The following TTC21B variants were observed in gnomAD, a reference collection of about 807,000 sequenced individuals.
TTC21B encodes the protein tetratricopeptide repeat protein 21B.
TTC21B carries 127 observed loss-of-function variants against 175.1 expected under a neutral mutation model. The observed-to-expected ratio is 0.73, with a 90% confidence interval of 0.63 to 0.84. The LOEUF is 0.84. Ranked by LOEUF, TTC21B falls within the 40% of genes least tolerant of loss-of-function variation. The pLI is 0.00. For missense variants in TTC21B, 1,561 were observed against 1,558.3 expected, an observed-to-expected ratio of 1.00 and a Z score of -0.03; for synonymous variants, 524 against 524.5, an observed-to-expected ratio of 1.00 and a Z score of 0.01.
chr2:165,918,754 A>G (rs1051555896), intron 13 of TTC21B, among the ~76,000 whole-genome samples: 7 of 152,132 alleles, frequency 4.6e-5, no homozygotes, highest in African/African-American at 1.7e-4. Flanking sequence ...CGTTGAGGGG[A>G]TACTGGATAT....
At chr2:165,879,801 C>T (rs971518986) in intron 27 of TTC21B, 1 of 152,036 alleles carries the variant, frequency 6.6e-6, no homozygotes, top group Admixed American at 6.6e-5. Flanking sequence ...CCCAACTGTT[C>T]CAAAGCACAG....
At chr2:165,878,226 T>C (rs1045127497) in intron 27 of TTC21B, among the ~76,000 whole-genome samples, 3 of 152,300 alleles carry the variant, frequency 2.0e-5, no homozygotes, top group African/African-American at 7.2e-5. Context: ...TGGAAGAAAC[T>C]TGATACATGA....
chr2:165,918,303 T>C (rs765276927), intron 13 of TTC21B, among the ~76,000 whole-genome samples: 2 of 150,140 alleles, frequency 1.3e-5, no homozygotes, highest in Non-Finnish European at 3.0e-5. Context: ...TTTTCTGCAA[T>C]TTTTTTTTTG....
At chr2:165,901,993 G>A in intron 19 of TTC21B, 83 bp from the exon 20 acceptor site, 1 of 1,207,274 alleles carries the variant, frequency 8.3e-7, no homozygotes, top group Non-Finnish European at 1.2e-6. Flanking sequence ...TAATTTTACA[G>A]ATTTATTTAA....
rs59380934 is a variant in TTC21B at position 165,947,562 on chromosome 2, C to CA, written c.262+1831dup. The stretch of plus-strand genomic sequence containing the variant: ...AAACAGAAATAAGAAAACAAACAAA[C>CA]AAAAAAAACAACCACCAGGCAGAAG... On this transcript the variant is annotated intron_variant, in intron 3 of 28. Coordinates refer to ENST00000243344, the MANE Select transcript of TTC21B (RefSeq NM_024753.5). The CA allele has an allele frequency of 8.3e-3, 1,259 of 151,190 alleles. 22 individuals are homozygous for CA. Among genetic ancestry groups the CA allele is most frequent in the African/African-American group, 0.029 (1,210 of 41,170 alleles). 9.4% of individuals were successfully genotyped at this position (151,190 alleles called of 1,614,324 possible). A position where few individuals can be genotyped will look rare whatever the true frequency, so the allele number is the denominator to read the frequency against.
chr2:165,920,814 A>ATATTTTGAAATATTTT (rs1559060477), intron 12 of TTC21B, among the ~76,000 whole-genome samples: 6 of 151,884 alleles, frequency 4.0e-5, no homozygotes, highest in Admixed American at 6.6e-5. Context: ...AATATTTAAA[A>ATATTTTGAAATATTTT]ATGAGAAGTG....
Position 165,908,196 on chromosome 2 carries a change from A to G in TTC21B, c.2462-412T>C, listed in dbSNP as rs925486866. On this transcript the variant is annotated intron_variant, in intron 18 of 28. Coordinates refer to ENST00000243344, the MANE Select transcript of TTC21B (RefSeq NM_024753.5). The stretch of plus-strand genomic sequence containing the variant: ...AGATATTTGATAAGCAATAAAGTAC[A>G]GTTGTTAAGAGCACTGACTTTGATG... 7.9e-5 allele frequency among the ~76,000 whole-genome samples: 12 copies of G among 152,318 alleles called. No homozygotes were observed. In the East Asian group the frequency reaches 1.3e-3, roughly 17 times the overall value.
At chr2:165,909,127 T>C (rs1230775941) in intron 18 of TTC21B, among the ~76,000 whole-genome samples, 3 of 151,932 alleles carry the variant, frequency 2.0e-5, no homozygotes, top group Non-Finnish European at 2.9e-5. Context: ...ATCAGAGCAA[T>C]GTATATGAAG....
At chr2:165,946,094 G>A (rs1264892619) in intron 3 of TTC21B, among the ~76,000 whole-genome samples, 4 of 151,510 alleles carry the variant, frequency 2.6e-5, no homozygotes, top group Non-Finnish European at 5.9e-5. Context: ...GGGAGGCCAA[G>A]GCGGGCGGAT....
intron 22 of TTC21B, among the ~76,000 whole-genome samples, chr2:165,891,336 T>C (rs1685185167): frequency 1.3e-5 from 2 of 152,136 alleles, no homozygotes; most frequent in African/African-American, 4.8e-5. Context: ...ACCGATTTAA[T>C]TGCACAGGAC....
chr2:165,898,046 A>G (rs946091929), intron 22 of TTC21B, among the ~76,000 whole-genome samples: 1 of 152,170 alleles, frequency 6.6e-6, no homozygotes, highest in Non-Finnish European at 1.5e-5. Context: ...CCTTCACAGA[A>G]AATTTGTTGT....
intron 22 of TTC21B, among the ~76,000 whole-genome samples, chr2:165,895,768 G>T (rs1402699597): frequency 6.6e-6 from 1 of 152,070 alleles, no homozygotes; most frequent in Non-Finnish European, 1.5e-5. Context: ...TGGTCAAGTA[G>T]TTCACAGCAT....
In TTC21B at chr2:165,953,756, CTAAAGGAAGACGCAGAA is replaced by C. The variant is rs1003878273; in HGVS notation, c.-68_-52del. ...GCTCTGGGGATTGTCTCGCCGCAGC[CTAAAGGAAGACGCAGAA>C]TTCAGCTCCCCTAGCCTCCCGGAGC... is the stretch of plus-strand genomic sequence containing the variant. On this transcript the variant is annotated 5_prime_UTR_variant, in exon 1 of 29. Coordinates refer to ENST00000243344, the MANE Select transcript of TTC21B (RefSeq NM_024753.5). The C allele has an allele frequency of 6.5e-7, 1 of 1,546,194 alleles. No homozygotes were observed. The highest frequency in any genetic ancestry group is 1.4e-5 in the African/African-American group (1 of 72,892).
chr2:165,890,813 A>G (rs1333345552), intron 23 of TTC21B, 25 bp downstream of exon 23: 1 of 1,607,292 alleles, frequency 6.2e-7, no homozygotes, highest in Non-Finnish European at 8.5e-7. Context: ...AAAATCATGT[A>G]GCATTTATTT....
chr2:165,884,741 A>G (rs1214533029), intron 25 of TTC21B, among the ~76,000 whole-genome samples: 1 of 152,230 alleles, frequency 6.6e-6, no homozygotes, highest in African/African-American at 2.4e-5. Flanking sequence ...GGTTAATGAG[A>G]ACTCATAAAA....
Position 165,949,883 on chromosome 2 carries a change from A to T in TTC21B, c.22-159T>A, listed in dbSNP as rs555947048. 7 of 636,668 alleles carry T rather than the reference A, an allele frequency of 1.1e-5. No individual in the cohort carries two copies. In the East Asian group the frequency reaches 1.7e-4, roughly 15 times the overall value. 39.4% of individuals were successfully genotyped at this position (636,668 alleles called of 1,614,324 possible). A position where few individuals can be genotyped will look rare whatever the true frequency, so the allele number is the denominator to read the frequency against. On this transcript the variant is annotated intron_variant, in intron 1 of 28. Transcript: ENST00000243344. Reference sequence around the variant, plus strand: ...AAATACTATTAATGGCTAGAACTCAATGCTAAGGATTGCAGAACTGAATGA... The same window carrying T: ...AAATACTATTAATGGCTAGAACTCATTGCTAAGGATTGCAGAACTGAATGA...
At position 165,945,517 on chromosome 2, in the gene TTC21B, T is replaced by G; in HGVS notation, c.429+7A>C. 1 of 1,611,976 alleles carries G rather than the reference T, an allele frequency of 6.2e-7. No homozygotes were observed. Among genetic ancestry groups the G allele is most frequent in the Non-Finnish European group, 8.5e-7 (1 of 1,179,140 alleles). ...TGTTATTATTTTAAACTCAGAAAAA[T>G]AGCTACCTGTTTACTACCATCTGAT... On this transcript the variant is annotated splice_region_variant and intron_variant, in intron 4 of 28. Transcript: ENST00000243344.
intron 6 of TTC21B, among the ~76,000 whole-genome samples, chr2:165,938,982 T>C (rs1004199637): frequency 2.0e-5 from 3 of 152,186 alleles, no homozygotes; most frequent in Non-Finnish European, 2.9e-5. Context: ...AATGATATTG[T>C]CATTATGTTG....
chr2:165,897,887 T>C (rs1434167458), intron 22 of TTC21B, among the ~76,000 whole-genome samples: 1 of 152,202 alleles, frequency 6.6e-6, no homozygotes, highest in Non-Finnish European at 1.5e-5. Context: ...GGGAATAAAC[T>C]GTGCCAAATA....
Sources: gnomAD v4.1 joint callset for allele counts (sites outside exome capture counted in the v4.1 genomes callset) on GRCh38, gnomAD v4.1.1 for gene constraint, MANE v1.5 for transcripts, NCBI Gene and HGNC (gene_info 2026-07-23, HGNC 2026-07-21) for gene names.